LARP1B: variants seen among roughly 807,000 people sequenced by gnomAD.
LARP1B encodes la-related protein 1B.
In LARP1B, 76 loss-of-function variants were observed where a neutral mutation model predicts 114.2. The observed-to-expected ratio is 0.67, with a 90% CI of 0.55 to 0.81. The LOEUF (loss-of-function observed/expected upper bound fraction) is 0.81. LARP1B is among the 30% of genes least tolerant of loss of function. LARP1B has a pLI of 0.00. For missense variants in LARP1B, 1,014 were observed against 1,075.8 expected (o/e 0.94, Z 0.80); for synonymous variants, 345 against 348.0 (o/e 0.99, Z 0.10).
chr4:128,083,625 A>AC (rs541972474), intron 5 of LARP1B, among the ~76,000 whole-genome samples: 126 of 81,482 alleles, frequency 1.5e-3, no homozygotes, highest in African/African-American at 5.4e-3. Flanking sequence ...CGGGGTGCTG[A>AC]CCCCCCCACC....
intron 14 of LARP1B, 64 bp downstream of exon 14, chr4:128,178,706 C>T (rs1370249428): frequency 1.8e-5 from 21 of 1,171,414 alleles, no homozygotes; most frequent in South Asian, 1.2e-4. Context: ...CAGAATGAAA[C>T]GTTTTAGTTT....
chr4:128,155,495 A>G (rs1735108917), intron 11 of LARP1B: 2 of 788,334 alleles, frequency 2.5e-6, no homozygotes, highest in South Asian at 1.4e-5. Flanking sequence ...CAGAAGTTCC[A>G]CCTCGTGCCA....
At chr4:128,068,880 TTAACTTTTCTTAAC>T (rs1234373665) in intron 1 of LARP1B, 3 of 427,436 alleles carry the variant, frequency 7.0e-6, no homozygotes, top group Admixed American at 3.6e-5. Flanking sequence ...TTATTGCACT[TTAACTTTTCTTAAC>T]TTGACAAAGC....
intron 11 of LARP1B, chr4:128,156,046 C>T: frequency 6.3e-6 from 10 of 1,584,586 alleles, no homozygotes; most frequent in Non-Finnish European, 8.6e-6. Flanking sequence ...CACCCCCAAG[C>T]TCATGACCAC....
intron 7 of LARP1B, among the ~76,000 whole-genome samples, chr4:128,097,376 T>G (rs1245180171): frequency 6.6e-6 from 1 of 151,928 alleles, no homozygotes; most frequent in East Asian, 1.9e-4. Flanking sequence ...GACGCGATCT[T>G]GGCTCACTGC....
chr4:128,151,441 T>C (rs916267028), intron 11 of LARP1B, among the ~76,000 whole-genome samples: 4 of 152,172 alleles, frequency 2.6e-5, no homozygotes, highest in African/African-American at 9.7e-5. Context: ...ACACATTGCC[T>C]TGAGAGTCAT....
At chr4:128,168,082 T>A (rs1295065306) in intron 12 of LARP1B, among the ~76,000 whole-genome samples, 1 of 152,116 alleles carries the variant, frequency 6.6e-6, no homozygotes, top group Non-Finnish European at 1.5e-5. Flanking sequence ...GCTATGAGTA[T>A]CAAGTTGCTA....
chr4:128,081,294 G>C (rs1040098597), intron 4 of LARP1B, among the ~76,000 whole-genome samples: 2 of 150,212 alleles, frequency 1.3e-5, no homozygotes, highest in Non-Finnish European at 3.0e-5. Context: ...TGCCAGGCTG[G>C]TTTTGAACTC....
intron 11 of LARP1B, among the ~76,000 whole-genome samples, chr4:128,144,701 C>A (rs1023432169): frequency 1.3e-5 from 2 of 152,042 alleles, no homozygotes; most frequent in Non-Finnish European, 2.9e-5. Context: ...TCTTAAACTT[C>A]ACTAATTTTT....
intron 15 of LARP1B, among the ~76,000 whole-genome samples, chr4:128,185,440 G>A (rs1164155623): frequency 1.3e-5 from 2 of 151,670 alleles, no homozygotes; most frequent in African/African-American, 4.8e-5. Flanking sequence ...GTAATGTTGA[G>A]CACTTTAAAA....
chr4:128,205,456 CTA>C (rs1371439777), intron 17 of LARP1B, among the ~76,000 whole-genome samples: 1 of 152,148 alleles, frequency 6.6e-6, no homozygotes. Context: ...AAGGTTGAGC[CTA>C]TATAGTTTGC....
At chr4:128,209,576 T>TA (rs1374904925) in intron 19 of LARP1B, among the ~76,000 whole-genome samples, 1 of 152,176 alleles carries the variant, frequency 6.6e-6, no homozygotes, top group African/African-American at 2.4e-5. Context: ...AATTTAAGTT[T>TA]AGTACCTTAA....
chr4:128,065,386 T>G (rs995258084), intron 1 of LARP1B, among the ~76,000 whole-genome samples: 4 of 150,494 alleles, frequency 2.7e-5, no homozygotes, highest in African/African-American at 9.8e-5. Flanking sequence ...TTTTCTTTCT[T>G]TTTTCAAGAG....
intron 5 of LARP1B, among the ~76,000 whole-genome samples, chr4:128,083,060 C>T (rs1561109101): frequency 6.6e-6 from 1 of 152,084 alleles, no homozygotes; most frequent in Non-Finnish European, 1.5e-5. Flanking sequence ...TAACAAAACA[C>T]ATCTTGCACC....
rs376383374 is a variant in LARP1B at position 128,066,477 on chromosome 4, CTT to C, written c.-78+5092_-78+5093del. 4.7e-3 allele frequency among the ~76,000 whole-genome samples: 561 copies of C among 120,364 alleles called. 3 individuals carry two copies. The highest frequency in any genetic ancestry group is 7.0e-3 in the Non-Finnish European group (398 of 57,264). The allele number at this position is 120,364 out of a possible 152,430, so 79.0% of individuals were successfully genotyped here. Reference sequence around the variant, plus strand: ...ACAAGCGTGAGCCACTGCGCCCGGCCTTTTTTTTTTTTTTTTTGAGATGGAGT... The same window carrying C: ...ACAAGCGTGAGCCACTGCGCCCGGCCTTTTTTTTTTTTTTTGAGATGGAGT... On this transcript the variant is annotated intron_variant, in intron 1 of 19. Transcript: ENST00000326639.
Position 128,211,602 on chromosome 4 carries a change from G to T in LARP1B, c.*1549G>T. ...AAAGAGGGTGCAAAACAAGCAATGGGTTAGAATAATAGATCTTCAAGTCTT... is the reference window on the plus strand; with the variant it reads ...AAAGAGGGTGCAAAACAAGCAATGGTTTAGAATAATAGATCTTCAAGTCTT... On this transcript the variant is annotated 3_prime_UTR_variant, in exon 20 of 20. Coordinates refer to ENST00000326639, the MANE Select transcript of LARP1B (RefSeq NM_018078.4). 3.1e-6 allele frequency: 3 copies of T among 961,466 alleles called. No individual in the cohort carries two copies. Among genetic ancestry groups the T allele is most frequent in the Non-Finnish European group, 3.7e-6 (3 of 808,230 alleles). The allele number at this position is 961,466 out of a possible 1,614,324, so 59.6% of individuals were successfully genotyped here. A position where few individuals can be genotyped will look rare whatever the true frequency, so the allele number is the denominator to read the frequency against.
At chr4:128,095,093 A>G (rs2149629715) in intron 7 of LARP1B, among the ~76,000 whole-genome samples, 1 of 152,258 alleles carries the variant, frequency 6.6e-6, no homozygotes, top group South Asian at 2.1e-4. Context: ...TATCTGCCAC[A>G]TGCCAGACAC....
chr4:128,187,936 G>A (rs529866739), intron 15 of LARP1B, among the ~76,000 whole-genome samples: 1 of 152,268 alleles, frequency 6.6e-6, no homozygotes, highest in South Asian at 2.1e-4. Flanking sequence ...GCTATGTGAA[G>A]TGCTGCTCCC....
chr4:128,141,417 A>G (rs1392623563), intron 11 of LARP1B, among the ~76,000 whole-genome samples: 3 of 152,196 alleles, frequency 2.0e-5, no homozygotes, highest in Non-Finnish European at 4.4e-5. Flanking sequence ...TCAGTATTCT[A>G]TCCTCTGCCC....
Sources: allele counts gnomAD v4.1 joint callset (sites outside exome capture counted in the v4.1 genomes callset), GRCh38; gene constraint gnomAD v4.1.1; transcripts MANE v1.5; gene names NCBI Gene and HGNC (gene_info 2026-07-23, HGNC 2026-07-21).